Variants in NEAT1 observed in about 807,000 individuals in gnomAD.
NEAT1 encodes the protein nuclear paraspeckle assembly transcript 1.
exon 1 of NEAT1, chr11:65,428,838 A>C (rs1386951080): frequency 1.3e-5 from 2 of 152,146 alleles, no homozygotes; most frequent in Non-Finnish European, 2.9e-5. Context: ...AATATGTAAA[A>C]AAAAAAAGTT....
exon 1 of NEAT1, chr11:65,430,876 C>T (rs1856608516): frequency 6.6e-6 from 1 of 152,142 alleles, no homozygotes; most frequent in African/African-American, 2.4e-5. Flanking sequence ...TTTCTTGCTA[C>T]TTTAAGAAAT....
exon 1 of NEAT1, chr11:65,442,050 G>A (rs904689801): frequency 5.9e-5 from 9 of 152,344 alleles, no homozygotes; most frequent in East Asian, 1.9e-4. Context: ...TGTGGGCAGC[G>A]AGAGCCTAGC....
chr11:65,438,666 G>C (rs779536825), exon 1 of NEAT1: 1 of 152,160 alleles, frequency 6.6e-6, no homozygotes, highest in Non-Finnish European at 1.5e-5. Context: ...TTTTGGGTCT[G>C]TCTGATTTCA....
chr11:65,426,373 T>G (rs924652901), exon 1 of NEAT1: 15 of 152,212 alleles, frequency 9.9e-5, no homozygotes, highest in African/African-American at 3.4e-4. Flanking sequence ...GTCTCGGGTA[T>G]GCTGTTGTGA....
exon 1 of NEAT1, chr11:65,427,335 C>T (rs1050674380): frequency 1.3e-5 from 2 of 152,366 alleles, no homozygotes; most frequent in African/African-American, 4.8e-5. Flanking sequence ...TTCTACTCAC[C>T]TGGGCCTGTT....
exon 1 of NEAT1, chr11:65,444,325 AAGAG>A (rs1202402221): frequency 1.3e-4 from 47 of 358,976 alleles, no homozygotes; most frequent in Non-Finnish European, 2.2e-4. Flanking sequence ...GTGTGTGTAA[AAGAG>A]AGAAGTTGTG....
At chr11:65,437,195 GTATATATATATATATGTATATATATA>G (rs1171212520) in exon 1 of NEAT1, 1 of 129,052 alleles carries the variant, frequency 7.7e-6, no homozygotes, top group South Asian at 2.4e-4. Flanking sequence ...ATATATATAT[GTATATATATATATATGTATATATATA>G]TATATACATA....
At chr11:65,439,342 C>T (rs1856693246) in exon 1 of NEAT1, 1 of 152,166 alleles carries the variant, frequency 6.6e-6, no homozygotes, top group Non-Finnish European at 1.5e-5. Flanking sequence ...TGTGTTTTCA[C>T]TTTATCGATA....
At chr11:65,429,633 T>G (rs1250743634) in exon 1 of NEAT1, 1 of 152,184 alleles carries the variant, frequency 6.6e-6, no homozygotes, top group Non-Finnish European at 1.5e-5. Context: ...TTTTCCAGTT[T>G]ATAGGTTGCC....
exon 1 of NEAT1, chr11:65,432,440 A>G (rs1004945875): frequency 2.0e-5 from 3 of 152,154 alleles, no homozygotes; most frequent in African/African-American, 7.2e-5. Context: ...TAAGTCTTTG[A>G]TAAGTCTAAT....
exon 1 of NEAT1, chr11:65,432,966 C>T (rs550003946): frequency 3.3e-5 from 5 of 149,904 alleles, no homozygotes; most frequent in Admixed American, 3.3e-4. Context: ...TCCTGAGTTG[C>T]TTCACTTAGA....
At chr11:65,426,050 G>A (rs1856557991) in exon 1 of NEAT1, 2 of 152,164 alleles carry the variant, frequency 1.3e-5, no homozygotes, top group Admixed American at 6.6e-5. Context: ...TGTGGGGAGA[G>A]AGTGGGCGAG....
chr11:65,437,125 A>T (rs1385013324), exon 1 of NEAT1: 3 of 150,238 alleles, frequency 2.0e-5, no homozygotes, highest in Admixed American at 2.0e-4. Flanking sequence ...ACCCTTTTCA[A>T]ATACATTCCT....
At chr11:65,437,199 A>ATATATG (rs1555046539) in exon 1 of NEAT1, 2 of 139,628 alleles carry the variant, frequency 1.4e-5, no homozygotes, top group African/African-American at 2.9e-5. Context: ...ATATATGTAT[A>ATATATG]TATATATATA....
exon 1 of NEAT1, chr11:65,429,924 C>G (rs1032124272): frequency 6.6e-6 from 1 of 152,206 alleles, no homozygotes; most frequent in Non-Finnish European, 1.5e-5. Context: ...GGGTGGTTGT[C>G]ACAGTGGCAG....
exon 1 of NEAT1, chr11:65,423,957 C>T (rs571457302): frequency 2.0e-5 from 3 of 152,448 alleles, no homozygotes; most frequent in African/African-American, 4.8e-5. Context: ...TGGTTTGTTA[C>T]TATAGTGTTC....
exon 1 of NEAT1, chr11:65,435,947 C>T (rs1856654588): frequency 6.6e-6 from 1 of 152,182 alleles, no homozygotes; most frequent in South Asian, 2.1e-4. Context: ...ATTTAATGAT[C>T]TTTTATTCAC....
chr11:65,434,355 C>G (rs1453589056), exon 1 of NEAT1: 2 of 152,154 alleles, frequency 1.3e-5, no homozygotes, highest in Non-Finnish European at 2.9e-5. Context: ...GTGTTTCCTG[C>G]TACACCTCGC....
chr11:65,428,454 C>T (rs1417798791), exon 1 of NEAT1: 1 of 152,148 alleles, frequency 6.6e-6, no homozygotes, highest in Non-Finnish European at 1.5e-5. Flanking sequence ...GCTAACCTCT[C>T]CATGTGCAGT....
Sources: gnomAD v4.1 joint callset for allele counts on GRCh38, gnomAD v4.1.1 for gene constraint, MANE v1.5 for transcripts, NCBI Gene and HGNC (gene_info 2026-07-23, HGNC 2026-07-21) for gene names.